The following TGM1 variants were observed in gnomAD, a reference collection of about 807,000 sequenced individuals.
TGM1 encodes transglutaminase 1, also known as protein-glutamine gamma-glutamyltransferase K.
In TGM1, 63 loss-of-function variants were observed where a neutral mutation model predicts 88.7. The ratio of observed to expected loss-of-function variants is 0.71; its 90% confidence interval spans 0.58 to 0.88. The LOEUF (loss-of-function observed/expected upper bound fraction) is 0.88. TGM1 is among the 40% of genes least tolerant of loss of function. The pLI, the probability that TGM1 is intolerant of heterozygous loss-of-function variation, is 0.00. For missense variants in TGM1, 996 were observed against 1,118.0 expected (o/e 0.89, Z 1.56); for synonymous variants, 415 against 431.1 (o/e 0.96, Z 0.46).
chr14:24,249,367 T>A lies in TGM1; in HGVS notation c.2400A>T (p.Gly800=). The part of the protein sequence containing the change: ...PGDGGFFSDA[G]GDSHLGETIP... Reference sequence around the variant, plus strand: ...TGGTCTCTCCTAAGTGACTGTCACCTCCAGCGTCTGAGAAGAAGCCCCCAT... The same window carrying A: ...TGGTCTCTCCTAAGTGACTGTCACCACCAGCGTCTGAGAAGAAGCCCCCAT... The change falls in exon 15 of 15, where the codon GGA becomes GGT. Residue 800 remains glycine, a synonymous_variant. Transcript: ENST00000206765. 1 of 1,613,994 alleles carries A rather than the reference T, an allele frequency of 6.2e-7. No individual in the cohort carries two copies. Among genetic ancestry groups the A allele is most frequent in the Non-Finnish European group, 8.5e-7 (1 of 1,179,982 alleles).
At chr14:24,262,931 T>C (rs572412187) in intron 1 of TGM1, among the ~76,000 whole-genome samples, 158 bp downstream of exon 1, 2 of 152,332 alleles carry the variant, frequency 1.3e-5, no homozygotes, top group African/African-American at 4.8e-5. Context: ...GCCCGGAGCC[T>C]GTGCACAGGG....
Position 24,261,890 on chromosome 14 carries a change from G to A in TGM1, c.320-7C>T. 2 of 1,612,942 alleles carry A rather than the reference G, an allele frequency of 1.2e-6. No individual in the cohort carries two copies. The highest frequency in any genetic ancestry group is 1.7e-5 in the Admixed American group (1 of 60,026). The stretch of plus-strand genomic sequence containing the variant: ...TTCACTACTAGCATGCCCTCTGCAA[G>A]GACACAGCTCCGTGTCAGTGAAGCC... On this transcript the variant is annotated splice_polypyrimidine_tract_variant and splice_region_variant and intron_variant, in intron 2 of 14. Transcript: ENST00000206765.
At chr14:24,250,797 G>A (rs987033894) in intron 14 of TGM1, among the ~76,000 whole-genome samples, 1 of 152,158 alleles carries the variant, frequency 6.6e-6, no homozygotes, top group Non-Finnish European at 1.5e-5. Context: ...TATTGCATTT[G>A]CTCGTGCCTG....
At position 24,259,023 on chromosome 14, in the gene TGM1, C is replaced by G; in HGVS notation, c.1159+52G>C. On this transcript the variant is annotated intron_variant, in intron 7 of 14. Transcript: ENST00000206765. This position sits in a 1 kb window ranked among gnomAD's most constrained non-coding sequence, Gnocchi z 5.7. ...GCAGGGCTGGGTAAGCCTGGCTTTCCTCCCTTCTCCCTGTAGGGCCCGGGC... is the reference window on the plus strand; with the variant it reads ...GCAGGGCTGGGTAAGCCTGGCTTTCGTCCCTTCTCCCTGTAGGGCCCGGGC... 6.2e-7 allele frequency: 1 copy of G among 1,606,850 alleles called. No homozygotes were observed. The highest frequency in any genetic ancestry group is 2.2e-5 in the East Asian group (1 of 44,778).
chr14:24,258,719 A>C, intron 7 of TGM1, 46 bp from the exon 8 acceptor site: 1 of 1,609,750 alleles, frequency 6.2e-7, no homozygotes. Context: ...GTTGGGGGCA[A>C]GTGAGGCATC....
chr14:24,258,696 G>A (rs2040779335), intron 7 of TGM1, 23 bp from the exon 8 acceptor site: 2 of 1,612,668 alleles, frequency 1.2e-6, no homozygotes, highest in African/African-American at 2.7e-5. Flanking sequence ...GAAGGTTGGG[G>A]TTCAAGGCAT....
At chr14:24,262,470 T>C in intron 1 of TGM1, 116 bp from the exon 2 acceptor site, 2 of 1,144,312 alleles carry the variant, frequency 1.7e-6, no homozygotes, top group South Asian at 1.3e-5. Flanking sequence ...CAATCCCACC[T>C]TGGCCCAGAG....
chr14:24,262,035 T>C lies in TGM1; in HGVS notation c.318A>G (p.Arg106=), dbSNP rs1186127438. The part of the protein sequence containing the change: ...GVNAAGDGTI[R]EGMLVVNGVD... ...CTGAGGAGGACAGACCGGCCTCACCTCGGATGGTGCCATCTCCAGCTGCAT... is the reference window on the plus strand; with the variant it reads ...CTGAGGAGGACAGACCGGCCTCACCCCGGATGGTGCCATCTCCAGCTGCAT... Residue 106 remains arginine (R), a splice_region_variant and synonymous_variant, in exon 2 of 15, where the codon CGA becomes CGG. Transcript: ENST00000206765. 9.3e-6 allele frequency: 15 copies of C among 1,613,318 alleles called. No individual in the cohort carries two copies. The highest frequency in any genetic ancestry group is 1.7e-5 in the Admixed American group (1 of 59,998).
At position 24,259,039 on chromosome 14, in the gene TGM1, G is replaced by A. The variant is rs1319123643; in HGVS notation, c.1159+36C>T. On this transcript the variant is annotated intron_variant, in intron 7 of 14. Coordinates refer to ENST00000206765, the MANE Select transcript of TGM1 (RefSeq NM_000359.3). The surrounding 1 kb of genome is among the most constrained non-coding windows in gnomAD (Gnocchi z 5.7). ...CTGGCTTTCCTCCCTTCTCCCTGTA[G>A]GGCCCGGGCCACTCCTGTCCCAGTC... 6.2e-7 allele frequency: 1 copy of A among 1,611,982 alleles called. No individual in the cohort carries two copies. The highest frequency in any genetic ancestry group is 8.5e-7 in the Non-Finnish European group (1 of 1,179,284).
In TGM1 at chr14:24,258,567, C is replaced by T. The variant is rs1437596567; in HGVS notation, c.1266G>A (p.Lys422=). 1 of 1,613,980 alleles carries T rather than the reference C, an allele frequency of 6.2e-7. No individual in the cohort carries two copies. The highest frequency in any genetic ancestry group is 1.1e-5 in the South Asian group (1 of 91,074). ...TMDIYFDENM[K]PLEHLNHDSV... ...AATCATGGTTCAGGTGCTCCAGGGGCTTCATGTTCTCGTCGAAGTAGATGT... is the reference window on the plus strand; with the variant it reads ...AATCATGGTTCAGGTGCTCCAGGGGTTTCATGTTCTCGTCGAAGTAGATGT... The change falls in exon 8 of 15, where the codon AAG becomes AAA. Residue 422 remains lysine, a synonymous_variant. Transcript: ENST00000206765.
intron 3 of TGM1, 31 bp downstream of exon 3, chr14:24,261,664 C>A: frequency 1.2e-6 from 2 of 1,613,764 alleles, no homozygotes; most frequent in Non-Finnish European, 1.7e-6. Flanking sequence ...AACATAGGGC[C>A]TTCACCCGTC....
At position 24,262,052 on chromosome 14, in the gene TGM1, C is replaced by T. The variant is rs1321204183; in HGVS notation, c.301G>A (p.Gly101Arg). 2.9e-5 allele frequency: 46 copies of T among 1,613,552 alleles called. No individual in the cohort carries two copies. Among genetic ancestry groups the T allele is most frequent in the Non-Finnish European group, 3.9e-5 (46 of 1,180,052 alleles). Reference sequence around the variant, plus strand: ...GCCTCACCTCGGATGGTGCCATCTCCAGCTGCATTGACACCGCTGCCCCGG... The same window carrying T: ...GCCTCACCTCGGATGGTGCCATCTCTAGCTGCATTGACACCGCTGCCCCGG... ...VSRGSGVNAAGDGTIREGMLV... is the reference protein window; with the variant it reads ...VSRGSGVNAARDGTIREGMLV... The change falls in exon 2 of 15, where the codon GGA (glycine) becomes AGA (arginine). Residue 101 changes from glycine to arginine, a missense_variant. Transcript: ENST00000206765.
intron 14 of TGM1, among the ~76,000 whole-genome samples, chr14:24,251,800 G>A (rs1292311685): frequency 6.6e-6 from 1 of 152,168 alleles, no homozygotes; most frequent in Admixed American, 6.5e-5. Context: ...TGATGGAAAA[G>A]GGCAGTTACC....
In TGM1 at chr14:24,255,938, C is replaced by T. The variant is rs960356359; in HGVS notation, c.1491+51G>A. ...GGTCAGTCAGCGGTGAAGTTGGGAC[C>T]AGAGAACCCATGACTGAAGCCCAAG... On this transcript the variant is annotated intron_variant, in intron 10 of 14. Coordinates refer to ENST00000206765, the MANE Select transcript of TGM1 (RefSeq NM_000359.3). The surrounding 1 kb of genome is among the most constrained non-coding windows in gnomAD (Gnocchi z 4.0). 4.1e-6 allele frequency: 6 copies of T among 1,457,190 alleles called. No individual in the cohort carries two copies. The highest frequency in any genetic ancestry group is 3.8e-6 in the Non-Finnish European group (4 of 1,061,116). The allele number at this position is 1,457,190 out of a possible 1,614,324, so 90.3% of individuals were successfully genotyped here.
chr14:24,250,875 G>T (rs1402550822), intron 14 of TGM1, among the ~76,000 whole-genome samples: 2 of 152,144 alleles, frequency 1.3e-5, no homozygotes, highest in Non-Finnish European at 2.9e-5. Flanking sequence ...CAAGCCTGCC[G>T]CTGGGGACCC....
chr14:24,263,051 C>A (rs2040827988), intron 1 of TGM1, 38 bp downstream of exon 1: 1 of 155,328 alleles, frequency 6.4e-6, no homozygotes, highest in Admixed American at 6.2e-5. Context: ...TGTGGGCCGC[C>A]TGGACTCGGC....
At chr14:24,256,169 C>A in intron 9 of TGM1, 92 bp from the exon 10 acceptor site, 1 of 1,108,094 alleles carries the variant, frequency 9.0e-7, no homozygotes, top group Non-Finnish European at 1.3e-6. Context: ...GCCCCAGCCC[C>A]ACCCACTCAG....
intron 9 of TGM1, among the ~76,000 whole-genome samples, chr14:24,256,280 CAA>C (rs1408095139): frequency 6.6e-6 from 1 of 152,212 alleles, no homozygotes; most frequent in Non-Finnish European, 1.5e-5. Flanking sequence ...GTATGGAAAA[CAA>C]AGAGAGAGCG....
intron 13 of TGM1, 119 bp downstream of exon 13, chr14:24,254,545 C>G (rs1336666271): frequency 5.9e-6 from 9 of 1,520,978 alleles, no homozygotes; most frequent in Non-Finnish European, 8.1e-6. Flanking sequence ...GGTCCTTGAC[C>G]TTCTCCTACA....
Sources: allele counts gnomAD v4.1 joint callset (sites outside exome capture counted in the v4.1 genomes callset), GRCh38; gene constraint gnomAD v4.1.1; non-coding constraint Gnocchi (gnomAD v3.1); transcripts MANE v1.5; gene names NCBI Gene and HGNC (gene_info 2026-07-23, HGNC 2026-07-21).